FLI1: variants seen among roughly 807,000 people sequenced by gnomAD.
FLI1 encodes Fli-1 proto-oncogene, ETS transcription factor, also known as Friend leukemia integration 1 transcription factor.
FLI1 carries 13 observed loss-of-function variants against 53.1 expected under a neutral mutation model. The ratio of observed to expected loss-of-function variants is 0.24; its 90% CI spans 0.16 to 0.39. The LOEUF is 0.39. Among genes scored for constraint, FLI1 ranks in the 10% least tolerant of loss-of-function variants. The pLI is 1.00. For missense variants in FLI1, 424 were observed against 600.5 expected (o/e 0.71, Z 3.07); for synonymous variants, 244 against 236.7 (o/e 1.03, Z -0.28).
chr11:128,706,994 A>G (rs761696885), intron 1 of FLI1, among the ~76,000 whole-genome samples: 1 of 152,204 alleles, frequency 6.6e-6, no homozygotes, highest in Non-Finnish European at 1.5e-5. Context: ...AAATGGATTT[A>G]AAGAATATTC....
chr11:128,768,470 G>T, intron 3 of FLI1, 198 bp downstream of exon 3: 1 of 606,772 alleles, frequency 1.6e-6, no homozygotes, highest in Non-Finnish European at 2.9e-6. Context: ...TCACTTGTCA[G>T]GAGTTCAAGA....
intron 5 of FLI1, among the ~76,000 whole-genome samples, chr11:128,798,465 A>G (rs934530842): frequency 2.0e-5 from 3 of 152,166 alleles, no homozygotes; most frequent in African/African-American, 7.2e-5. Context: ...CGCTTTTCAT[A>G]TTTAAAAGTC....
intron 1 of FLI1, among the ~76,000 whole-genome samples, chr11:128,687,149 C>G (rs928454749): frequency 6.6e-6 from 1 of 152,232 alleles, no homozygotes; most frequent in African/African-American, 2.4e-5. Flanking sequence ...GGTATGCGGG[C>G]GCCACGCGCT....
rs1279568031 is a variant in FLI1 at position 128,694,156 on chromosome 11, C to T, written c.-103C>T. 6.1e-6 allele frequency: 8 copies of T among 1,312,020 alleles called. No homozygotes were observed. The highest frequency in any genetic ancestry group is 8.2e-6 in the Non-Finnish European group (8 of 980,192). 81.3% of individuals were successfully genotyped at this position (1,312,020 alleles called of 1,614,324 possible). A position where few individuals can be genotyped will look rare whatever the true frequency, so the allele number is the denominator to read the frequency against. The stretch of plus-strand genomic sequence containing the variant: ...GGGGGCACGCAGGGAGGGCCCAGGG[C>T]GCCAGGGAGGCCGCGCCGGGCTAAT... On this transcript the variant is annotated 5_prime_UTR_variant, in exon 1 of 9. Coordinates refer to ENST00000527786, the MANE Select transcript of FLI1 (RefSeq NM_002017.5).
chr11:128,695,147 C>A (rs1233315126), intron 1 of FLI1, among the ~76,000 whole-genome samples: 1 of 152,232 alleles, frequency 6.6e-6, no homozygotes, highest in Non-Finnish European at 1.5e-5. Flanking sequence ...GCCCGCCCGG[C>A]CATTCCCACC....
intron 1 of FLI1, chr11:128,695,799 T>TTCTCTGC (rs1198494714): frequency 6.6e-6 from 1 of 152,216 alleles, no homozygotes; most frequent in Non-Finnish European, 1.5e-5. Context: ...TTATGCCTGT[T>TTCTCTGC]TCTCTGCTTC....
At chr11:128,715,100 C>T (rs114642564) in intron 1 of FLI1, among the ~76,000 whole-genome samples, 177 of 152,264 alleles carry the variant, frequency 1.2e-3, no homozygotes, top group African/African-American at 3.7e-3. Context: ...CCAAGACATA[C>T]GAAACTCAAG....
chr11:128,742,137 G>A (rs984619591), intron 1 of FLI1, among the ~76,000 whole-genome samples: 12 of 152,016 alleles, frequency 7.9e-5, no homozygotes, highest in African/African-American at 2.9e-4. Flanking sequence ...ACTTGTCCAG[G>A]GTTACCATGC....
intron 2 of FLI1, among the ~76,000 whole-genome samples, chr11:128,760,520 C>CTTT (rs1179242159): frequency 3.3e-4 from 34 of 103,584 alleles, no homozygotes; most frequent in Non-Finnish European, 5.1e-4. Context: ...GTGGAGATTC[C>CTTT]TTTTTTTTTT....
At chr11:128,723,358 G>T (rs1251613420) in intron 1 of FLI1, among the ~76,000 whole-genome samples, 2 of 152,136 alleles carry the variant, frequency 1.3e-5, no homozygotes, top group African/African-American at 2.4e-5. Flanking sequence ...ACATTGTGGT[G>T]CAGGAAGGCC....
chr11:128,726,744 G>T (rs563402718), intron 1 of FLI1, among the ~76,000 whole-genome samples: 2 of 152,182 alleles, frequency 1.3e-5, no homozygotes, highest in Admixed American at 6.5e-5. Context: ...TTTGCCCATA[G>T]GTGCAGCTTA....
chr11:128,693,941 CGAGAGAGAGAGAGAGAGA>C (rs57930585), upstream of FLI1: 36,502 of 176,490 alleles, frequency 0.21, 1,846 homozygotes, highest in Middle Eastern at 0.26. Flanking sequence ...GAGCTCGAGG[CGAGAGAGAGAGAGAGAGA>C]GAGAGAGAGA....
At position 128,762,732 on chromosome 11, in the gene FLI1, G is replaced by A. The variant is rs752400801; in HGVS notation, c.230+4406G>A. Among the ~76,000 whole-genome samples the A allele has an allele frequency of 3.3e-5, 5 of 152,232 alleles. No homozygotes were observed. In the East Asian group the frequency reaches 5.8e-4, roughly 18 times the overall value. ...CAGCACTTTGGGAGGCCAAGGCGGCGGATCACCTGAGGTCGGGAGTTCGAG... is the reference window on the plus strand; with the variant it reads ...CAGCACTTTGGGAGGCCAAGGCGGCAGATCACCTGAGGTCGGGAGTTCGAG... On this transcript the variant is annotated intron_variant, in intron 2 of 8. Transcript: ENST00000527786.
intron 1 of FLI1, among the ~76,000 whole-genome samples, chr11:128,742,913 GC>G (rs1455347781): frequency 6.6e-6 from 1 of 152,224 alleles, no homozygotes; most frequent in Non-Finnish European, 1.5e-5. Flanking sequence ...ATTAAAAGAA[GC>G]AAGAGGACCA....
chr11:128,714,228 G>A lies in FLI1; in HGVS notation c.18+19952G>A, dbSNP rs952450347. ...CAGAAAAAAAAAAAAAAAAAAAAACGGCAACTCTTTGGCAAATAGAGCTCT... is the reference window on the plus strand; with the variant it reads ...CAGAAAAAAAAAAAAAAAAAAAAACAGCAACTCTTTGGCAAATAGAGCTCT... On this transcript the variant is annotated intron_variant, in intron 1 of 8. Transcript: ENST00000527786. Among the ~76,000 whole-genome samples, 13 of 142,016 alleles carry A rather than the reference G, an allele frequency of 9.2e-5. 1 individual carries two copies. Among genetic ancestry groups the A allele is most frequent in the Middle Eastern group, 3.9e-3 (1 of 254 alleles). 93.2% of individuals were successfully genotyped at this position (142,016 alleles called of 152,430 possible). A position where few individuals can be genotyped will look rare whatever the true frequency, so the allele number is the denominator to read the frequency against.
rs767020379 is a variant in FLI1, at chr11:128,764,822, G to A, written c.231-3296G>A. The stretch of plus-strand genomic sequence containing the variant: ...GAGGACTGGCAGGCGAGCGGGCGAG[G>A]TATGGCTTTCCTTCTTTCTCTCCCT... On this transcript the variant is annotated intron_variant, in intron 2 of 8. Transcript: ENST00000527786. The A allele has an allele frequency of 1.1e-5, 17 of 1,592,572 alleles. No individual in the cohort carries two copies. The South Asian group carries it at 1.3e-4, about 13-fold the overall frequency.
chr11:128,723,151 A>G (rs1224929244), intron 1 of FLI1, among the ~76,000 whole-genome samples: 1 of 152,138 alleles, frequency 6.6e-6, no homozygotes, highest in Non-Finnish European at 1.5e-5. Context: ...CCCACCTCCT[A>G]TACCATCACA....
At chr11:128,691,063 G>A (rs995817865), upstream of FLI1, among the ~76,000 whole-genome samples, 2 of 152,116 alleles carry the variant, frequency 1.3e-5, no homozygotes, top group African/African-American at 2.4e-5. Flanking sequence ...AGAGGGAAGG[G>A]GAGGTCTGCC....
At position 128,812,048 on chromosome 11, in the gene FLI1, T is replaced by C. The variant is rs1251582000; in HGVS notation, c.*1060T>C. The C allele has an allele frequency of 3.9e-5, 8 of 206,834 alleles. 1 individual carries two copies. The highest frequency in any genetic ancestry group is 3.8e-4 in the South Asian group (2 of 5,298). The allele number at this position is 206,834 out of a possible 1,614,324, so 12.8% of individuals were successfully genotyped here. On this transcript the variant is annotated 3_prime_UTR_variant, in exon 9 of 9. Coordinates refer to ENST00000527786, the MANE Select transcript of FLI1 (RefSeq NM_002017.5). The stretch of plus-strand genomic sequence containing the variant: ...TATAGCTGGTTTTTAAAAAGCATAA[T>C]ATGCCTATAGCTGAAAAGGAAACAG...
Sources: gnomAD v4.1 joint callset for allele counts (sites outside exome capture counted in the v4.1 genomes callset) on GRCh38, gnomAD v4.1.1 for gene constraint, MANE v1.5 for transcripts, NCBI Gene and HGNC (gene_info 2026-07-23, HGNC 2026-07-21) for gene names.